NECTIN3: variants seen among roughly 807,000 people sequenced by gnomAD.
NECTIN3 encodes the protein nectin cell adhesion molecule 3, also known as nectin-3.
Under a neutral mutation model 49.4 loss-of-function variants are expected in NECTIN3, and 8 were observed. The ratio of observed to expected loss-of-function variants is 0.16; its 90% confidence interval spans 0.10 to 0.29. The LOEUF is 0.29. Among genes scored for constraint, NECTIN3 ranks in the 10% least tolerant of loss-of-function variants. The probability of loss-of-function intolerance (pLI) is 1.00; values close to 1 mark genes in which losing one functional copy is unlikely to be tolerated. For synonymous variants in NECTIN3, 277 were observed against 241.1 expected (o/e 1.15, Z -1.38); for missense variants, 581 against 654.6 (o/e 0.89, Z 1.23).
intron 4 of NECTIN3, among the ~76,000 whole-genome samples, chr3:111,125,592 T>C (rs1430749159): frequency 6.6e-6 from 1 of 152,214 alleles, no homozygotes. Context: ...AGTGGTGTCT[T>C]GGTTTTTATT....
At chr3:111,169,427 G>C (rs1272440183) in intron 7 of NECTIN3, among the ~76,000 whole-genome samples, 1 of 134,430 alleles carries the variant, frequency 7.4e-6, no homozygotes, top group Non-Finnish European at 1.6e-5. Flanking sequence ...CAAGATGCTT[G>C]ATGTTTTAAA....
intron 1 of NECTIN3, chr3:111,193,193 T>C (rs536367635): frequency 1.5e-4 from 234 of 1,534,504 alleles, no homozygotes; most frequent in Admixed American, 2.7e-4. Flanking sequence ...AATGTTTGAA[T>C]TTTTAGAATG....
intron 1 of NECTIN3, chr3:111,077,257 G>A (rs1329263299): frequency 2.3e-6 from 1 of 429,188 alleles, no homozygotes; most frequent in Admixed American, 2.4e-5. Context: ...AATAAGTTGA[G>A]TAGGGAAGAC....
Position 111,072,186 on chromosome 3 carries a change from A to G in NECTIN3, c.160+9A>G. 1 of 1,545,738 alleles carries G rather than the reference A, an allele frequency of 6.5e-7. No individual in the cohort carries two copies. ...CTTCTCCAGGCTCTGTGGTAGGTGA[A>G]CCTCGGCGGCCGGCGTGGGCTGAGG... On this transcript the variant is annotated intron_variant, in intron 1 of 5. Coordinates refer to ENST00000485303, the MANE Select transcript of NECTIN3 (RefSeq NM_015480.3).
At position 111,147,592 on chromosome 3, in the gene NECTIN3, G is replaced by T. The variant is rs1165556579; in HGVS notation, c.1221+108G>T. On this transcript the variant is annotated intron_variant, in intron 7 of 8. Coordinates refer to the NECTIN3 transcript ENST00000493615. The stretch of plus-strand genomic sequence containing the variant: ...GTTGTTTAGTCATTATGCATTAAGT[G>T]TTGTTTAGTCATTATGCATTAAATG... 1.1e-5 allele frequency: 10 copies of T among 923,622 alleles called. No homozygotes were observed. The African/African-American group carries it at 1.4e-4, about 12-fold the overall frequency. The allele number at this position is 923,622 out of a possible 1,614,324, so 57.2% of individuals were successfully genotyped here.
At chr3:111,085,494 A>T (rs1231370236) in intron 1 of NECTIN3, among the ~76,000 whole-genome samples, 1 of 152,192 alleles carries the variant, frequency 6.6e-6, no homozygotes, top group Admixed American at 6.5e-5. Flanking sequence ...AAATGTGAGG[A>T]TATTCCTGAA....
chr3:111,076,173 TG>T (rs1221675101), intron 1 of NECTIN3, among the ~76,000 whole-genome samples: 1 of 152,140 alleles, frequency 6.6e-6, no homozygotes, highest in African/African-American at 2.4e-5. Context: ...GCAATTCTGA[TG>T]TATGTTTTAT....
At chr3:111,089,918 G>A (rs2032160007) in intron 1 of NECTIN3, among the ~76,000 whole-genome samples, 1 of 152,026 alleles carries the variant, frequency 6.6e-6, no homozygotes, top group East Asian at 1.9e-4. Flanking sequence ...TTTTTGCCCC[G>A]TGCATATTAG....
chr3:111,147,792 A>T (rs1188320761), intron 7 of NECTIN3, among the ~76,000 whole-genome samples: 1 of 152,220 alleles, frequency 6.6e-6, no homozygotes, highest in Non-Finnish European at 1.5e-5. Flanking sequence ...CTTGTTGAAG[A>T]CTTACTGTTA....
At chr3:111,167,054 A>G (rs2035332391) in intron 7 of NECTIN3, among the ~76,000 whole-genome samples, 1 of 152,096 alleles carries the variant, frequency 6.6e-6, no homozygotes, top group Non-Finnish European at 1.5e-5. Context: ...AATGTCAGTT[A>G]GAAGTGAATT....
chr3:111,133,585 T>A, intron 5 of NECTIN3, 50 bp from the exon 6 acceptor site: 1 of 1,561,360 alleles, frequency 6.4e-7, no homozygotes, highest in Non-Finnish European at 8.7e-7. Flanking sequence ...CAGCCTGCAT[T>A]GACATTCTTT....
chr3:111,086,744 TATTA>T (rs985177048), intron 1 of NECTIN3, among the ~76,000 whole-genome samples: 1 of 152,172 alleles, frequency 6.6e-6, no homozygotes, highest in Non-Finnish European at 1.5e-5. Context: ...AGTGGCAGTT[TATTA>T]ATTTTCATAA....
chr3:111,134,188 A>T lies in NECTIN3; in HGVS notation c.1623A>T (p.Val541=). ...DDLVSHVDGS[V]ISRREWYV is the part of the protein sequence containing the mutation. ...TAGTTTCACATGTAGATGGTTCCGT[A>T]ATTTCCAGGAGGGAGTGGTATGTTT... is the stretch of plus-strand genomic sequence containing the variant. Residue 541 remains valine, a synonymous_variant, in exon 6 of 6, where the codon GTA becomes GTT. Transcript: ENST00000485303. 1 of 1,606,446 alleles carries T rather than the reference A, an allele frequency of 6.2e-7. No individual in the cohort carries two copies. The highest frequency in any genetic ancestry group is 8.5e-7 in the Non-Finnish European group (1 of 1,176,716).
intron 1 of NECTIN3, among the ~76,000 whole-genome samples, chr3:111,106,050 C>T (rs1233458832): frequency 7.0e-6 from 1 of 143,328 alleles, no homozygotes; most frequent in African/African-American, 2.6e-5. Flanking sequence ...TAGGTACTTT[C>T]TTCACTTAAT....
chr3:111,084,738 C>T (rs2031829842), intron 1 of NECTIN3, among the ~76,000 whole-genome samples: 1 of 152,010 alleles, frequency 6.6e-6, no homozygotes. Flanking sequence ...CTTAATAATT[C>T]TAGGATATAA....
chr3:111,138,258 A>ATT (rs2034648415), downstream of NECTIN3, among the ~76,000 whole-genome samples: 1 of 151,440 alleles, frequency 6.6e-6, no homozygotes, highest in Admixed American at 6.6e-5. Context: ...TTTTTAAACT[A>ATT]TTTTTGACCA....
chr3:111,116,532 T>C (rs915289782), intron 2 of NECTIN3, among the ~76,000 whole-genome samples: 1 of 152,100 alleles, frequency 6.6e-6, no homozygotes, highest in Non-Finnish European at 1.5e-5. Context: ...AGTTTTAGAT[T>C]AGGGGTCTTT....
At chr3:111,129,930 G>A (rs939340976) in intron 5 of NECTIN3, among the ~76,000 whole-genome samples, 1 of 150,656 alleles carries the variant, frequency 6.6e-6, no homozygotes, top group Admixed American at 6.6e-5. Flanking sequence ...GATTACAGGT[G>A]TGAGCCACTG....
chr3:111,143,177 A>G (rs1286112020), intron 5 of NECTIN3, among the ~76,000 whole-genome samples: 1 of 151,912 alleles, frequency 6.6e-6, no homozygotes, highest in Non-Finnish European at 1.5e-5. Flanking sequence ...TTACAAGTGC[A>G]GAATGATATT....
Sources: allele counts gnomAD v4.1 joint callset (sites outside exome capture counted in the v4.1 genomes callset), GRCh38; gene constraint gnomAD v4.1.1; transcripts MANE v1.5; gene names NCBI Gene and HGNC (gene_info 2026-07-23, HGNC 2026-07-21).